Variants in STPG2 observed in about 807,000 individuals in gnomAD.
The protein encoded by STPG2 is sperm tail PG-rich repeat containing 2.
A neutral mutation model predicts 54.2 loss-of-function variants in STPG2; 56 were observed. That is an observed-to-expected ratio of 1.03 (90% CI 0.83 to 1.29). The LOEUF is 1.29. Ranked by LOEUF, STPG2 falls within the 50% of genes most tolerant of loss-of-function variation. STPG2 has a pLI of 0.00. For synonymous variants in STPG2, 200 were observed against 181.8 expected (o/e 1.10, Z -0.81); for missense variants, 596 against 544.9 (o/e 1.09, Z -0.93).
chr4:97,732,605 G>T (rs1209111120), intron 9 of STPG2, among the ~76,000 whole-genome samples: 4 of 152,008 alleles, frequency 2.6e-5, no homozygotes, highest in Non-Finnish European at 5.9e-5. Flanking sequence ...ACAGAAAAAA[G>T]AAATAATTAG....
chr4:97,615,554 C>T (rs922197761), intron 10 of STPG2, among the ~76,000 whole-genome samples: 12 of 151,894 alleles, frequency 7.9e-5, no homozygotes, highest in Admixed American at 5.3e-4. Flanking sequence ...TCCTAAGTAG[C>T]GAGGATGACT....
intron 10 of STPG2, among the ~76,000 whole-genome samples, chr4:97,699,309 A>G (rs1723690341): frequency 3.9e-5 from 6 of 152,210 alleles, no homozygotes; most frequent in Admixed American, 3.9e-4. Context: ...GGCTGGGGAA[A>G]GAGGCTGAGT....
At chr4:98,018,223 T>G (rs898578702) in intron 5 of STPG2, among the ~76,000 whole-genome samples, 4 of 151,996 alleles carry the variant, frequency 2.6e-5, no homozygotes, top group Admixed American at 1.3e-4. Context: ...TGTGTCCATG[T>G]GTTCTCATTA....
chr4:97,805,634 A>T (rs1308292830), intron 9 of STPG2, among the ~76,000 whole-genome samples: 4 of 151,990 alleles, frequency 2.6e-5, no homozygotes, highest in Non-Finnish European at 5.9e-5. Flanking sequence ...TTGCTGGTTG[A>T]TTTGTTAAGT....
chr4:98,075,101 T>C (rs1444968619), intron 5 of STPG2, among the ~76,000 whole-genome samples: 1 of 152,202 alleles, frequency 6.6e-6, no homozygotes, highest in Non-Finnish European at 1.5e-5. Context: ...TTCCCATTTG[T>C]TCTTATTCCT....
chr4:97,736,175 A>G (rs1266133181), intron 9 of STPG2, among the ~76,000 whole-genome samples: 1 of 152,204 alleles, frequency 6.6e-6, no homozygotes, highest in Non-Finnish European at 1.5e-5. Context: ...TGACCCAGCA[A>G]TTCCTATTCT....
At chr4:97,921,635 T>C (rs1427414188) in intron 8 of STPG2, among the ~76,000 whole-genome samples, 1 of 151,920 alleles carries the variant, frequency 6.6e-6, no homozygotes, top group Non-Finnish European at 1.5e-5. Flanking sequence ...AAGACATATA[T>C]GGGACATCAT....
rs562779444 is a variant in STPG2 at position 97,985,257 on chromosome 4, A to G, written c.613-3939T>C. ...GCTTATTAGAATTACTTGAGGAATT[A>G]AAATATATATATTACTGTTTAGGCC... On this transcript the variant is annotated intron_variant, in intron 5 of 10. Coordinates refer to ENST00000295268, the MANE Select transcript of STPG2 (RefSeq NM_174952.3). 8.9e-4 allele frequency among the ~76,000 whole-genome samples: 136 copies of G among 152,302 alleles called. 1 individual carries two copies. Among genetic ancestry groups the G allele is most frequent in the Admixed American group, 8.8e-3 (135 of 15,288 alleles).
chr4:97,813,065 T>C (rs1352460888), intron 9 of STPG2, among the ~76,000 whole-genome samples: 10 of 152,002 alleles, frequency 6.6e-5, no homozygotes, highest in African/African-American at 2.4e-5. Context: ...TTCAAAAATA[T>C]CCCAATCTTA....
At chr4:97,750,516 A>G (rs1403925545) in intron 9 of STPG2, among the ~76,000 whole-genome samples, 1 of 151,806 alleles carries the variant, frequency 6.6e-6, no homozygotes, top group Non-Finnish European at 1.5e-5. Context: ...CAAGTTGGAG[A>G]GGTAAGAAGA....
In STPG2 at chr4:98,066,432, T is replaced by C. The variant is rs180854038; in HGVS notation, c.612+39521A>G. Among the ~76,000 whole-genome samples the C allele has an allele frequency of 2.8e-4, 42 of 152,000 alleles. 1 individual carries two copies. Among genetic ancestry groups the C allele is most frequent in the Admixed American group, 2.4e-3 (36 of 15,252 alleles). ...GGTGAAACTCCATCTCTAATACAAA[T>C]ACAAAAATTAGCCAGGTATGGTGGT... On this transcript the variant is annotated intron_variant, in intron 5 of 10. Coordinates refer to ENST00000295268, the MANE Select transcript of STPG2 (RefSeq NM_174952.3).
intron 10 of STPG2, among the ~76,000 whole-genome samples, chr4:97,672,050 G>T (rs1722712161): frequency 6.6e-6 from 1 of 150,784 alleles, no homozygotes; most frequent in African/African-American, 2.4e-5. Flanking sequence ...ACACTATAAG[G>T]TATTTTCAAT....
intron 8 of STPG2, among the ~76,000 whole-genome samples, chr4:97,864,130 T>A: frequency 6.6e-6 from 1 of 152,144 alleles, no homozygotes; most frequent in Non-Finnish European, 1.5e-5. Flanking sequence ...ATAAAGGGTA[T>A]TCAATTAGGA....
chr4:98,037,727 A>C (rs1227435883), intron 5 of STPG2, among the ~76,000 whole-genome samples: 1 of 152,134 alleles, frequency 6.6e-6, no homozygotes, highest in African/African-American at 2.4e-5. Flanking sequence ...CTATAGAAAA[A>C]CCATAAGCAA....
chr4:97,643,217 G>A (rs1460911830), intron 10 of STPG2, among the ~76,000 whole-genome samples: 1 of 151,394 alleles, frequency 6.6e-6, no homozygotes, highest in African/African-American at 2.4e-5. Context: ...AAAAGAGGTT[G>A]TTCAATTTCA....
intron 4 of STPG2, among the ~76,000 whole-genome samples, chr4:97,456,317 AG>A (rs1370847432): frequency 1.3e-5 from 2 of 152,106 alleles, no homozygotes; most frequent in Admixed American, 1.3e-4. Context: ...TCACATGGCC[AG>A]CAGGAAGGGG....
chr4:97,867,201 T>A (rs1000436298), intron 8 of STPG2, among the ~76,000 whole-genome samples: 1 of 152,012 alleles, frequency 6.6e-6, no homozygotes, highest in Non-Finnish European at 1.5e-5. Context: ...CAACTGTTGA[T>A]AATCTTTTAT....
intron 4 of STPG2, among the ~76,000 whole-genome samples, chr4:97,478,785 A>G (rs1730141563): frequency 6.6e-6 from 1 of 151,940 alleles, no homozygotes; most frequent in South Asian, 2.1e-4. Context: ...CTGTATCGCT[A>G]GACTTACCAT....
chr4:97,504,855 T>C (rs1289195107), intron 4 of STPG2, among the ~76,000 whole-genome samples: 14 of 152,022 alleles, frequency 9.2e-5, no homozygotes, highest in Admixed American at 8.5e-4. Flanking sequence ...GACTATTCAA[T>C]GGCAACTGTG....
Sources: gnomAD v4.1 joint callset for allele counts (sites outside exome capture counted in the v4.1 genomes callset) on GRCh38, gnomAD v4.1.1 for gene constraint, MANE v1.5 for transcripts, NCBI Gene and HGNC (gene_info 2026-07-23, HGNC 2026-07-21) for gene names.